Variants in CDH18 observed in about 807,000 individuals in gnomAD.
The protein encoded by CDH18 is cadherin-18.
CDH18 carries 31 observed loss-of-function variants against 67.9 expected under a neutral mutation model. The observed-to-expected ratio is 0.46, with a 90% CI of 0.34 to 0.62. The LOEUF (loss-of-function observed/expected upper bound fraction) is 0.62, where lower values mean the gene tolerates loss of function less well. Among genes scored for constraint, CDH18 ranks in the 20% least tolerant of loss-of-function variants. CDH18 has a pLI of 0.01. For missense variants in CDH18, 890 were observed against 975.5 expected (o/e 0.91, Z 1.17); for synonymous variants, 362 against 347.2 (o/e 1.04, Z -0.48).
At chr5:20,006,164 A>T (rs1206905919) in intron 2 of CDH18, among the ~76,000 whole-genome samples, 1 of 151,944 alleles carries the variant, frequency 6.6e-6, no homozygotes, top group African/African-American at 2.4e-5. Context: ...TCAACAGATA[A>T]CAACTTGATT....
intron 5 of CDH18, among the ~76,000 whole-genome samples, chr5:19,701,907 A>G (rs1763297190): frequency 6.6e-6 from 1 of 152,134 alleles, no homozygotes; most frequent in South Asian, 2.1e-4. Flanking sequence ...CTATACATCT[A>G]CGGAATGCAT....
At chr5:19,785,682 ATATATATATATATATATATATATATAT>A (rs1775697261) in intron 3 of CDH18, among the ~76,000 whole-genome samples, 24 of 20,852 alleles carry the variant, frequency 1.2e-3, no homozygotes, top group African/African-American at 4.3e-3. Flanking sequence ...AAAAAAAAAT[ATATATATATATATATATATATATATAT>A]ATATATATAT....
At chr5:19,730,088 C>T (rs1229909999) in intron 4 of CDH18, among the ~76,000 whole-genome samples, 1 of 152,078 alleles carries the variant, frequency 6.6e-6, no homozygotes, top group African/African-American at 2.4e-5. Flanking sequence ...GTTCCAGCTC[C>T]CTTTCAGCTG....
chr5:20,052,891 A>T (rs560094022), intron 2 of CDH18, among the ~76,000 whole-genome samples: 1 of 152,242 alleles, frequency 6.6e-6, no homozygotes, highest in African/African-American at 2.4e-5. Context: ...TTTATACTTC[A>T]ACAATCACAT....
At chr5:20,172,585 C>A (rs1736918509) in intron 2 of CDH18, among the ~76,000 whole-genome samples, 1 of 151,494 alleles carries the variant, frequency 6.6e-6, no homozygotes, top group Non-Finnish European at 1.5e-5. Flanking sequence ...GCTCAACTTG[C>A]CACTGTTTAT....
chr5:20,405,466 C>A (rs544401568), intron 1 of CDH18, among the ~76,000 whole-genome samples: 1 of 152,210 alleles, frequency 6.6e-6, no homozygotes, highest in South Asian at 2.1e-4. Flanking sequence ...AAATGTTAGA[C>A]CTAAAACCAT....
chr5:20,151,128 G>C (rs1160885056), intron 2 of CDH18, among the ~76,000 whole-genome samples: 2 of 151,846 alleles, frequency 1.3e-5, no homozygotes, highest in East Asian at 3.9e-4. Context: ...CCAATAGATA[G>C]TTTTTCAATT....
At position 20,130,671 on chromosome 5, in the gene CDH18, A is replaced by G. The variant is rs368487994; in HGVS notation, c.-518+124773T>C. Among the ~76,000 whole-genome samples the G allele has an allele frequency of 2.8e-4, 42 of 152,098 alleles. No homozygotes were observed. The East Asian group carries it at 4.2e-3, about 15-fold the overall frequency. ...ACAGTTTTGAGTCGGCAGGCCTATG[A>G]TAAGAGATTCGTGAATAATCTAATG... On this transcript the variant is annotated intron_variant, in intron 2 of 14. Transcript: ENST00000507958.
chr5:20,542,480 T>C (rs534962977), intron 1 of CDH18, among the ~76,000 whole-genome samples: 2 of 151,648 alleles, frequency 1.3e-5, no homozygotes, highest in South Asian at 2.1e-4. Context: ...TACACACACA[T>C]ACAATGCTAT....
At chr5:19,804,595 A>C (rs1045664343) in intron 3 of CDH18, among the ~76,000 whole-genome samples, 7 of 152,140 alleles carry the variant, frequency 4.6e-5, no homozygotes, top group Non-Finnish European at 1.0e-4. Flanking sequence ...ATTACTTCCC[A>C]TTATTAAGCT....
chr5:20,257,437 T>C (rs567492860), intron 1 of CDH18, among the ~76,000 whole-genome samples: 7 of 151,594 alleles, frequency 4.6e-5, no homozygotes, highest in African/African-American at 1.7e-4. Context: ...TCTTTGGAAA[T>C]AAGGCAAAAA....
At chr5:19,931,178 T>C (rs932305714) in intron 2 of CDH18, among the ~76,000 whole-genome samples, 18 of 151,976 alleles carry the variant, frequency 1.2e-4, no homozygotes, top group African/African-American at 4.1e-4. Context: ...CTTCATATTA[T>C]CTACTTGATT....
chr5:19,566,262 A>G (rs539207231), intron 8 of CDH18, among the ~76,000 whole-genome samples: 2 of 152,316 alleles, frequency 1.3e-5, no homozygotes, highest in South Asian at 4.1e-4. Context: ...GGGAACCCCC[A>G]TATCCTGTTG....
At chr5:20,063,041 T>C (rs1338613062) in intron 2 of CDH18, among the ~76,000 whole-genome samples, 1 of 146,202 alleles carries the variant, frequency 6.8e-6, no homozygotes, top group Non-Finnish European at 1.5e-5. Context: ...CAGGCTGGGG[T>C]ACACCAATAT....
chr5:20,263,428 CAA>C (rs1287155018), intron 1 of CDH18, among the ~76,000 whole-genome samples: 1 of 152,110 alleles, frequency 6.6e-6, no homozygotes, highest in East Asian at 1.9e-4. Context: ...ATATTTCAAA[CAA>C]ATATAAAATT....
chr5:19,543,173 A>G (rs1367114007), intron 9 of CDH18, among the ~76,000 whole-genome samples: 3 of 152,158 alleles, frequency 2.0e-5, no homozygotes, highest in African/African-American at 7.2e-5. Flanking sequence ...TATTGTTATG[A>G]AGATGGATTC....
Position 19,531,609 on chromosome 5 carries a change from T to TCACACACACACA in CDH18, c.1391-10843_1391-10832dup, listed in dbSNP as rs10552517. Among the ~76,000 whole-genome samples, 1,131 of 148,794 alleles carry TCACACACACACA rather than the reference T, an allele frequency of 7.6e-3. 8 individuals are homozygous for TCACACACACACA. Among genetic ancestry groups the TCACACACACACA allele is most frequent in the South Asian group, 0.026 (122 of 4,648 alleles). On this transcript the variant is annotated intron_variant, in intron 9 of 12. Transcript: ENST00000382275. ...CCAAGACAAGTTAAAATGTGTGTTC[T>TCACACACACACA]CACACACACACACACACACACACAC...
intron 2 of CDH18, among the ~76,000 whole-genome samples, chr5:20,016,626 T>C (rs1331309438): frequency 1.3e-5 from 2 of 152,188 alleles, no homozygotes; most frequent in Non-Finnish European, 2.9e-5. Flanking sequence ...AGAGTGCTGG[T>C]TGAGGCAGAA....
At chr5:20,106,373 C>G (rs1208219152) in intron 2 of CDH18, among the ~76,000 whole-genome samples, 2 of 152,198 alleles carry the variant, frequency 1.3e-5, no homozygotes, top group African/African-American at 2.4e-5. Flanking sequence ...TAAATAATCA[C>G]TTCACTGATT....
Sources: allele counts gnomAD v4.1 joint callset (sites outside exome capture counted in the v4.1 genomes callset), GRCh38; gene constraint gnomAD v4.1.1; transcripts MANE v1.5; gene names NCBI Gene and HGNC (gene_info 2026-07-23, HGNC 2026-07-21).